Variants in GARIN1A observed in about 807,000 individuals in gnomAD.
GARIN1A encodes golgi associated RAB2 interactor 1A, also known as Golgi-associated RAB2 interactor protein 1A.
chr7:128,686,888 A>AT, the GARIN1A span: 14 of 146,836 alleles, frequency 9.5e-5, no homozygotes, highest in South Asian at 2.2e-4. Context: ...AAAAAAAAAA[A>AT]ATATATCTGA....
the GARIN1A span, among the ~76,000 whole-genome samples, chr7:128,699,560 T>C: frequency 1.3e-5 from 2 of 152,242 alleles, no homozygotes; most frequent in Non-Finnish European, 2.9e-5. Context: ...TTAAGTGCAT[T>C]GCGATCCAGA....
chr7:128,688,489 C>T, the GARIN1A span, among the ~76,000 whole-genome samples: 4 of 152,284 alleles, frequency 2.6e-5, no homozygotes, highest in South Asian at 8.3e-4. Context: ...GGTTACAAGT[C>T]AGTAGTAGTT....
chr7:128,683,308 A>G, the GARIN1A span: 1 of 592,600 alleles, frequency 1.7e-6, no homozygotes, highest in Non-Finnish European at 2.8e-6. Flanking sequence ...ATAAACTTCC[A>G]AGTGAGTCCC....
chr7:128,701,061 C>G, the GARIN1A span, among the ~76,000 whole-genome samples: 1 of 151,822 alleles, frequency 6.6e-6, no homozygotes, highest in Non-Finnish European at 1.5e-5. Context: ...GCTTCACATG[C>G]AGCCAGTACC....
chr7:128,675,778 T>C, the GARIN1A span: 1 of 1,613,928 alleles, frequency 6.2e-7, no homozygotes, highest in Non-Finnish European at 8.5e-7. Context: ...AATGTCCTCC[T>C]GATGGCCAAT....
the GARIN1A span, chr7:128,690,443 C>T: frequency 6.6e-6 from 1 of 152,092 alleles, no homozygotes; most frequent in Non-Finnish European, 1.5e-5. Flanking sequence ...ACGGTCAATC[C>T]ACTCTAACAA....
chr7:128,701,319 TAGGGGAGGGGG>T, the GARIN1A span, among the ~76,000 whole-genome samples: 887 of 93,964 alleles, frequency 9.4e-3, 18 homozygotes, highest in Middle Eastern at 0.022. Flanking sequence ...GGTACATCTA[TAGGGGAGGGGG>T]AGGGGAGGGG....
chr7:128,706,079 T>C, the GARIN1A span, among the ~76,000 whole-genome samples: 2 of 152,166 alleles, frequency 1.3e-5, no homozygotes, highest in African/African-American at 4.8e-5. Flanking sequence ...TCCAATTTTA[T>C]TCAAGAGTTT....
the GARIN1A span, chr7:128,677,429 C>A: frequency 6.1e-6 from 6 of 977,276 alleles, no homozygotes; most frequent in East Asian, 1.5e-4. Context: ...ATGGCGTGAA[C>A]CCCGGGGGCA....
At chr7:128,687,670 A>C in the GARIN1A span, 1 of 152,172 alleles carries the variant, frequency 6.6e-6, no homozygotes, top group Non-Finnish European at 1.5e-5. Flanking sequence ...AGCGTGTCAA[A>C]TTTCAAGTCC....
At chr7:128,688,021 C>CT in the GARIN1A span, 23,293 of 146,506 alleles carry the variant, frequency 0.16, 2,186 homozygotes, top group African/African-American at 0.26. Context: ...CACATACAAT[C>CT]TTTTTTTTTT....
At chr7:128,678,515 G>A in the GARIN1A span, among the ~76,000 whole-genome samples, 1 of 152,012 alleles carries the variant, frequency 6.6e-6, no homozygotes, top group Admixed American at 6.6e-5. Context: ...TCATATGAGT[G>A]TCTGTAGTCT....
At chr7:128,699,260 G>GCCC in the GARIN1A span, among the ~76,000 whole-genome samples, 789 of 104,734 alleles carry the variant, frequency 7.5e-3, 47 homozygotes, top group Non-Finnish European at 9.7e-3. Flanking sequence ...CATACCTGCT[G>GCCC]CCCCCCCCCC....
chr7:128,683,125 C>T, the GARIN1A span: 2 of 1,612,262 alleles, frequency 1.2e-6, no homozygotes, highest in Non-Finnish European at 1.7e-6. Context: ...GTTCATATAG[C>T]CAGTTACCTA....
chr7:128,676,257 G>A, the GARIN1A span, among the ~76,000 whole-genome samples: 1 of 150,954 alleles, frequency 6.6e-6, no homozygotes, highest in African/African-American at 2.4e-5. Context: ...TGATCCACCT[G>A]CCTCGGCCTC....
the GARIN1A span, among the ~76,000 whole-genome samples, chr7:128,702,671 A>G: frequency 6.6e-6 from 1 of 152,244 alleles, no homozygotes. Context: ...AACAGTGATC[A>G]ATATGGTAGA....
the GARIN1A span, among the ~76,000 whole-genome samples, chr7:128,674,743 C>T: frequency 2.0e-5 from 3 of 152,056 alleles, no homozygotes; most frequent in Non-Finnish European, 4.4e-5. Flanking sequence ...ATCCCTGGGG[C>T]TTTCCCTCAT....
the GARIN1A span, among the ~76,000 whole-genome samples, chr7:128,702,868 C>T: frequency 1.3e-5 from 2 of 152,108 alleles, no homozygotes; most frequent in Non-Finnish European, 1.5e-5. Context: ...AGCTATGTAA[C>T]GCACACCAAA....
chr7:128,686,648 G>A, the GARIN1A span: 1 of 152,190 alleles, frequency 6.6e-6, no homozygotes. Context: ...GGCCAAGGTG[G>A]GCAGATCACT....
Sources: gnomAD v4.1 joint callset for allele counts (sites outside exome capture counted in the v4.1 genomes callset) on GRCh38, gnomAD v4.1.1 for gene constraint, MANE v1.5 for transcripts, NCBI Gene and HGNC (gene_info 2026-07-23, HGNC 2026-07-21) for gene names.